The following ANXA4 variants were observed in gnomAD, a reference collection of about 807,000 sequenced individuals.
The protein encoded by ANXA4 is 35-beta calcimedin.
ANXA4 carries 39 observed loss-of-function variants against 49.8 expected under a neutral mutation model. The ratio of observed to expected loss-of-function variants is 0.78; its 90% CI spans 0.61 to 1.02. The LOEUF (loss-of-function observed/expected upper bound fraction) is 1.02, where lower values mean the gene tolerates loss of function less well. Ranked by LOEUF, ANXA4 falls within the 50% of genes least tolerant of loss-of-function variation. ANXA4 has a pLI of 0.00. For missense variants in ANXA4, 360 were observed against 410.1 expected, an observed-to-expected ratio of 0.88 and a Z score of 1.05; for synonymous variants, 134 against 152.5, an observed-to-expected ratio of 0.88 and a Z score of 0.89.
At chr2:69,683,238 C>T (rs934510652) in intron 2 of ANXA4, among the ~76,000 whole-genome samples, 1 of 152,160 alleles carries the variant, frequency 6.6e-6, no homozygotes, top group African/African-American at 2.4e-5. Context: ...GTGAAAAGAA[C>T]TCTTAGGTGA....
chr2:69,671,522 C>T (rs1677188447), intron 2 of ANXA4, among the ~76,000 whole-genome samples: 1 of 152,070 alleles, frequency 6.6e-6, no homozygotes, highest in Admixed American at 6.6e-5. Flanking sequence ...TTCTAGACTA[C>T]CCTGGCCAAC....
intron 2 of ANXA4, among the ~76,000 whole-genome samples, chr2:69,713,251 C>T (rs976587154): frequency 4.6e-5 from 7 of 152,064 alleles, no homozygotes; most frequent in Non-Finnish European, 7.4e-5. Flanking sequence ...TTCTTTGTTT[C>T]CATGAAGAAC....
chr2:69,792,439 A>G (rs1325795242), intron 3 of ANXA4, among the ~76,000 whole-genome samples: 1 of 152,238 alleles, frequency 6.6e-6, no homozygotes, highest in Non-Finnish European at 1.5e-5. Context: ...AGATTTTCAC[A>G]TACCTGTTAT....
At chr2:69,712,390 C>T (rs557903681) in intron 2 of ANXA4, among the ~76,000 whole-genome samples, 5 of 152,160 alleles carry the variant, frequency 3.3e-5, no homozygotes, top group South Asian at 2.1e-4. Flanking sequence ...TTATTCACTC[C>T]GAGTCTAAGC....
intron 2 of ANXA4, among the ~76,000 whole-genome samples, chr2:69,692,970 A>G (rs1197753241): frequency 6.6e-6 from 1 of 151,984 alleles, no homozygotes; most frequent in Non-Finnish European, 1.5e-5. Context: ...CATACTGCTA[A>G]TGTGTGTGTG....
At chr2:69,790,742 G>A (rs1364655507) in intron 3 of ANXA4, among the ~76,000 whole-genome samples, 1 of 152,138 alleles carries the variant, frequency 6.6e-6, no homozygotes, top group East Asian at 1.9e-4. Flanking sequence ...TTCTATTACC[G>A]ATGCCTTTCT....
At chr2:69,643,826 G>GGCGGC, upstream of ANXA4, 1 of 1,183,182 alleles carries the variant, frequency 8.5e-7, no homozygotes, top group Non-Finnish European at 1.0e-6. Context: ...TGCCCCTCGG[G>GGCGGC]GCGGCGCGGC....
At chr2:69,747,587 C>T (rs112168643) in intron 1 of ANXA4, among the ~76,000 whole-genome samples, 119 of 152,236 alleles carry the variant, frequency 7.8e-4, no homozygotes, top group African/African-American at 2.8e-3. Context: ...TAACATTTTT[C>T]GTACAATTTC....
chr2:69,721,507 A>C (rs1669809496), intron 3 of ANXA4, among the ~76,000 whole-genome samples: 1 of 152,140 alleles, frequency 6.6e-6, no homozygotes, highest in Non-Finnish European at 1.5e-5. Context: ...CAGGAGTTGG[A>C]GACAAGGCTG....
chr2:69,795,469 C>T (rs1014258017), intron 3 of ANXA4, among the ~76,000 whole-genome samples: 2 of 152,182 alleles, frequency 1.3e-5, no homozygotes, highest in Admixed American at 1.3e-4. Context: ...GAACTAGTCT[C>T]CATTCCCCAT....
intron 2 of ANXA4, among the ~76,000 whole-genome samples, chr2:69,710,963 TCTA>T (rs1455262143): frequency 6.6e-6 from 1 of 152,136 alleles, no homozygotes; most frequent in African/African-American, 2.4e-5. Context: ...AAAATACAAT[TCTA>T]CTCCTCAGAG....
At chr2:69,714,831 A>G (rs775611252) in intron 2 of ANXA4, among the ~76,000 whole-genome samples, 2 of 152,226 alleles carry the variant, frequency 1.3e-5, no homozygotes, top group Non-Finnish European at 2.9e-5. Flanking sequence ...GGGCTTGTCC[A>G]CAACGCCCCC....
intron 8 of ANXA4, among the ~76,000 whole-genome samples, chr2:69,814,467 T>G (rs995236456): frequency 2.0e-5 from 3 of 146,844 alleles, no homozygotes; most frequent in African/African-American, 5.0e-5. Context: ...CACCTCAGCC[T>G]CCTGAGTAGC....
exon 2 of ANXA4, chr2:69,653,148 G>A (rs1012865739): frequency 1.3e-5 from 2 of 152,144 alleles, no homozygotes; most frequent in African/African-American, 2.4e-5. Flanking sequence ...GACTATTTGA[G>A]CGAATAATCA....
At chr2:69,669,350 C>T (rs181111173) in intron 2 of ANXA4, among the ~76,000 whole-genome samples, 1 of 151,940 alleles carries the variant, frequency 6.6e-6, no homozygotes, top group African/African-American at 2.4e-5. Context: ...TGGCTCACGC[C>T]TGCAATCCCA....
At chr2:69,678,302 C>G (rs1677477208) in intron 2 of ANXA4, among the ~76,000 whole-genome samples, 1 of 146,100 alleles carries the variant, frequency 6.8e-6, no homozygotes, top group Non-Finnish European at 1.5e-5. Context: ...GTAAAGATTA[C>G]AAATATTTTT....
chr2:69,765,871 C>A (rs762478457), intron 1 of ANXA4, among the ~76,000 whole-genome samples: 1 of 152,120 alleles, frequency 6.6e-6, no homozygotes, highest in Non-Finnish European at 1.5e-5. Context: ...AGCAATGAGG[C>A]CTTCAGGAAG....
At chr2:69,814,060 A>G (rs1003915210) in intron 8 of ANXA4, among the ~76,000 whole-genome samples, 1 of 151,698 alleles carries the variant, frequency 6.6e-6, no homozygotes, top group Non-Finnish European at 1.5e-5. Flanking sequence ...GCCTGACCAT[A>G]GACCCAGTAT....
At chr2:69,725,266 A>G (rs1235620866) in intron 3 of ANXA4, among the ~76,000 whole-genome samples, 1 of 151,786 alleles carries the variant, frequency 6.6e-6, no homozygotes, top group Non-Finnish European at 1.5e-5. Flanking sequence ...TTTTAGCATT[A>G]ATCATTTCGG....
Sources: gnomAD v4.1 joint callset for allele counts (sites outside exome capture counted in the v4.1 genomes callset) on GRCh38, gnomAD v4.1.1 for gene constraint, MANE v1.5 for transcripts, NCBI Gene and HGNC (gene_info 2026-07-23, HGNC 2026-07-21) for gene names.